Variants in ESPN observed in about 807,000 individuals in gnomAD.
ESPN encodes autosomal recessive deafness type 36 protein.
Under a neutral mutation model 77.7 loss-of-function variants are expected in ESPN, and 68 were observed. The ratio of observed to expected loss-of-function variants is 0.87; its 90% CI spans 0.72 to 1.07. The LOEUF (loss-of-function observed/expected upper bound fraction) is 1.07. Among genes scored for constraint, ESPN ranks in the 50% least tolerant of loss-of-function variants. ESPN has a pLI of 0.00. For missense variants in ESPN, 1,060 were observed against 1,239.0 expected, an observed-to-expected ratio of 0.86 and a Z score of 2.17; for synonymous variants, 449 against 567.1, an observed-to-expected ratio of 0.79 and a Z score of 2.96.
At position 6,446,054 on chromosome 1, in the gene ESPN, C is replaced by T; in HGVS notation, c.1464+119C>T. 8 of 1,038,098 alleles carry T rather than the reference C, an allele frequency of 7.7e-6. No individual in the cohort carries two copies. The South Asian group carries it at 1.2e-4, about 15-fold the overall frequency. The allele number at this position is 1,038,098 out of a possible 1,614,324, so 64.3% of individuals were successfully genotyped here. ...AGGGTGGGGATCCCTGGGTCCATGG[C>T]ATGTTCAAGAGTCAAAGCTCCTGGC... On this transcript the variant is annotated intron_variant, in intron 7 of 12. Coordinates refer to ENST00000645284, the MANE Select transcript of ESPN (RefSeq NM_031475.3).
At chr1:6,430,547 C>T (rs1456912475) in intron 2 of ESPN, among the ~76,000 whole-genome samples, 2 of 152,234 alleles carry the variant, frequency 1.3e-5, no homozygotes, top group Admixed American at 6.5e-5. Flanking sequence ...GGACTTGTCA[C>T]ACTGACCTCA....
rs537486587 is a variant in ESPN at position 6,450,756 on chromosome 1, C to T, written c.1916-847C>T. Among the ~76,000 whole-genome samples, 96 of 152,272 alleles carry T rather than the reference C, an allele frequency of 6.3e-4. No individual in the cohort carries two copies. The highest frequency in any genetic ancestry group is 2.1e-3 in the African/African-American group (89 of 41,548). ...ACTCTTCTCCCCCACCACCCCCACC[C>T]GCTGTGACTGCATTCTGGGATCCCC... On this transcript the variant is annotated intron_variant, in intron 8 of 12. Coordinates refer to ENST00000645284, the MANE Select transcript of ESPN (RefSeq NM_031475.3). This position sits in a 1 kb window ranked among gnomAD's most constrained non-coding sequence, Gnocchi z 4.3.
chr1:6,454,848 C>T (rs1362350163), intron 10 of ESPN: 8 of 393,824 alleles, frequency 2.0e-5, no homozygotes, highest in Non-Finnish European at 3.6e-5. Flanking sequence ...GGCGCCGCTG[C>T]CCGACGCGCC....
chr1:6,439,615 A>G (rs1403498624), intron 2 of ESPN, among the ~76,000 whole-genome samples: 1 of 152,174 alleles, frequency 6.6e-6, no homozygotes, highest in Non-Finnish European at 1.5e-5. Context: ...GGGGCACACA[A>G]TGAAAGGGAT....
intron 2 of ESPN, among the ~76,000 whole-genome samples, chr1:6,438,636 C>T (rs1288749609): frequency 6.6e-6 from 1 of 152,250 alleles, no homozygotes; most frequent in Non-Finnish European, 1.5e-5. Context: ...ATGCCACTTA[C>T]CAGCTGTGTG....
Position 6,451,924 on chromosome 1 carries a change from G to T in ESPN, c.2153G>T (p.Gly718Val), listed in dbSNP as rs201319052. The change falls in exon 10 of 13, where the codon GGA becomes GTA. Residue 718 changes from glycine to valine, a missense_variant. This residue lies in a region of ESPN where 374 missense variants were observed against 381.4 expected (regional missense o/e 0.98). Transcript: ENST00000645284. This position sits in a 1 kb window ranked among gnomAD's most constrained non-coding sequence, Gnocchi z 4.3. The stretch of plus-strand genomic sequence containing the variant: ...GCGGGGTTTCAGCCGCTGCTCAATG[G>T]AAGCTTGGTTCCCGTGCCGCCCACT... ...PAAGFQPLLN[G>V]SLVPVPPTTP... 6.2e-7 allele frequency: 1 copy of T among 1,610,972 alleles called. No homozygotes were observed. The highest frequency in any genetic ancestry group is 2.2e-5 in the East Asian group (1 of 44,796).
intron 10 of ESPN, chr1:6,454,789 G>C: frequency 2.5e-6 from 1 of 397,766 alleles, no homozygotes; most frequent in Non-Finnish European, 4.4e-6. Flanking sequence ...CTGGGCGGCC[G>C]GCCTGCGCAC....
intron 2 of ESPN, 101 bp from the exon 3 acceptor site, chr1:6,440,153 C>T: frequency 7.7e-7 from 1 of 1,295,732 alleles, no homozygotes; most frequent in South Asian, 1.3e-5. Flanking sequence ...CACCCACTCT[C>T]CCTGCCGTCC....
rs900941386 is a variant in ESPN at position 6,448,946 on chromosome 1, G to A, written c.1770G>A (p.Lys590=). 2.3e-5 allele frequency: 33 copies of A among 1,408,624 alleles called. No homozygotes were observed. The highest frequency in any genetic ancestry group is 3.0e-5 in the Non-Finnish European group (33 of 1,086,846). 87.3% of individuals were successfully genotyped at this position (1,408,624 alleles called of 1,614,324 possible). A position where few individuals can be genotyped will look rare whatever the true frequency, so the allele number is the denominator to read the frequency against. ...CTAACGGCTGCGCCGCGGACCCCAA[G>A]GCGTCCAGGGAGCTGCCACCGCCGC... ...HVPNGCAADP[K]ASRELPPPPP... The change falls in exon 8 of 13, where the codon AAG becomes AAA. Residue 590 remains lysine (K), a synonymous_variant. Transcript: ENST00000645284.
intron 10 of ESPN, chr1:6,454,660 T>TGTCGGCGCCGCGCTTCACCGTCG (rs1644017082): frequency 2.5e-6 from 1 of 398,690 alleles, no homozygotes; most frequent in South Asian, 1.3e-4. Context: ...TCGGCCGCCC[T>TGTCGGCGCCGCGCTTCACCGTCG]GTCGGCGCCG....
chr1:6,432,527 C>T (rs1474086493), intron 2 of ESPN, among the ~76,000 whole-genome samples: 2 of 152,366 alleles, frequency 1.3e-5, no homozygotes, highest in South Asian at 2.1e-4. Context: ...TCTCCACCAG[C>T]AGCTCCTGGT....
chr1:6,441,523 G>A (rs1391758162), intron 5 of ESPN, among the ~76,000 whole-genome samples: 1 of 152,190 alleles, frequency 6.6e-6, no homozygotes, highest in Non-Finnish European at 1.5e-5. Flanking sequence ...GCACCTCTCA[G>A]CCCCTGCACC....
rs1643928010 is a variant in ESPN, at chr1:6,450,630, A to C, written c.1916-973A>C. Among the ~76,000 whole-genome samples the C allele has an allele frequency of 6.6e-6, 1 of 152,030 alleles. No homozygotes were observed. The highest frequency in any genetic ancestry group is 2.4e-5 in the African/African-American group (1 of 41,376). On this transcript the variant is annotated intron_variant, in intron 8 of 12. Transcript: ENST00000645284. The surrounding 1 kb of genome is among the most constrained non-coding windows in gnomAD (Gnocchi z 4.3). Reference sequence around the variant, plus strand: ...AAGAATGGGTGGGGCCTTGCACCTCATACCTACCCTCATACCCACATATGC... The same window carrying C: ...AAGAATGGGTGGGGCCTTGCACCTCCTACCTACCCTCATACCCACATATGC...
intron 2 of ESPN, among the ~76,000 whole-genome samples, chr1:6,435,827 T>C (rs1569617158): frequency 6.6e-6 from 1 of 152,328 alleles, no homozygotes; most frequent in Non-Finnish European, 1.5e-5. Context: ...AGTTCAGCAA[T>C]GGCTGTGCAC....
In ESPN at chr1:6,444,560, C is replaced by T; in HGVS notation, c.1070C>T (p.Pro357Leu). The change falls in exon 6 of 13, where the codon CCC becomes CTC. Residue 357 changes from proline (P) to leucine (L), a missense_variant. Transcript: ENST00000645284. ...CAGCCGGATTCAGGCATGTCCTCAC[C>T]CAATACCACGGTGTCGGTCCAGCCG... ...AKQPDSGMSS[P>L]NTTVSVQPLN... The T allele has an allele frequency of 6.2e-7, 1 of 1,614,224 alleles. No homozygotes were observed. Among genetic ancestry groups the T allele is most frequent in the Non-Finnish European group, 8.5e-7 (1 of 1,180,034 alleles).
chr1:6,440,606 T>TGGCCCC lies in ESPN; in HGVS notation c.676-20_676-19insGGCCCC. 1.1e-6 allele frequency: 1 copy of TGGCCCC among 870,484 alleles called. No homozygotes were observed. 53.9% of individuals were successfully genotyped at this position (870,484 alleles called of 1,614,324 possible). ...CTGGCGCCCAGCCCCCGCCCCCCTC[T>TGGCCCC]CCCCGCCCGTCCCGCCCAGGTGAGC... On this transcript the variant is annotated intron_variant, in intron 3 of 12. Transcript: ENST00000645284.
Position 6,457,200 on chromosome 1 carries a change from C to T in ESPN, c.2342C>T (p.Ala781Val), listed in dbSNP as rs1280586411. 6.2e-7 allele frequency: 1 copy of T among 1,606,164 alleles called. No homozygotes were observed. Among genetic ancestry groups the T allele is most frequent in the Non-Finnish European group, 8.5e-7 (1 of 1,176,228 alleles). ...GTGTTTCAGGAGGAGGAGGAGGAGG[C>T]CCGGCTGGCCAGCATGCCCGCCTGG... ...EQRRKEEEEE[A>V]RLASMPAWRR... The change falls in exon 11 of 13, where the codon GCC becomes GTC. Residue 781 changes from alanine to valine, a missense_variant. Coordinates refer to ENST00000645284, the MANE Select transcript of ESPN (RefSeq NM_031475.3).
chr1:6,430,866 T>A (rs529576664), intron 2 of ESPN, among the ~76,000 whole-genome samples: 4 of 152,022 alleles, frequency 2.6e-5, no homozygotes, highest in Non-Finnish European at 5.9e-5. Context: ...GCTCTGGGTC[T>A]CAGGGAGATT....
rs1421282006 is a variant in ESPN at position 6,425,029 on chromosome 1, G to A, written c.74G>A (p.Gly25Asp). Residue 25 changes from glycine (G) to aspartate (D), a missense_variant, in exon 1 of 13, where the codon GGC (glycine) becomes GAC (aspartate). By Grantham distance (94) the Gly-to-Asp change is moderately conservative. Transcript: ENST00000645284. ...GTGCTGAGGTCGCTGCACGCCGCAG[G>A]CCTCCTGGGGCCCTCGCTGCGCGAC... ...LDVLRSLHAA[G>D]LLGPSLRDPL... is the part of the protein sequence containing the mutation. 24 of 1,466,716 alleles carry A rather than the reference G, an allele frequency of 1.6e-5. No homozygotes were observed. The highest frequency in any genetic ancestry group is 2.1e-5 in the Non-Finnish European group (23 of 1,116,228). 90.9% of individuals were successfully genotyped at this position (1,466,716 alleles called of 1,614,324 possible). A position where few individuals can be genotyped will look rare whatever the true frequency, so the allele number is the denominator to read the frequency against.
Sources: gnomAD v4.1 joint callset for allele counts (sites outside exome capture counted in the v4.1 genomes callset) on GRCh38, gnomAD v4.1.1 for gene constraint, gnomAD v4.1.1 regional missense constraint, Gnocchi (gnomAD v3.1) non-coding constraint, MANE v1.5 for transcripts, NCBI Gene and HGNC (gene_info 2026-07-23, HGNC 2026-07-21) for gene names.